Variants in CAAP1 observed in about 807,000 individuals in gnomAD.
The protein encoded by CAAP1 is caspase activity and apoptosis inhibitor 1.
Under a neutral mutation model 34.0 loss-of-function variants are expected in CAAP1, and 20 were observed. The observed-to-expected ratio is 0.59, with a 90% CI of 0.41 to 0.86. CAAP1 has a LOEUF of 0.86. Ranked by LOEUF, CAAP1 falls within the 40% of genes least tolerant of loss-of-function variation. The pLI, the probability that CAAP1 is intolerant of heterozygous loss-of-function variation, is 0.00. For missense variants in CAAP1, 538 were observed against 450.5 expected (o/e 1.19, Z -1.76); for synonymous variants, 213 against 166.7 (o/e 1.28, Z -2.14).
rs139695636 is a variant in CAAP1, at chr9:26,856,218, C to T, written c.739+4848G>A. Among the ~76,000 whole-genome samples the T allele has an allele frequency of 2.5e-3, 383 of 151,976 alleles. 2 individuals are homozygous for T. The highest frequency in any genetic ancestry group is 8.9e-3 in the African/African-American group (369 of 41,428). ...TCTTTAGGGAAAAGATTCTCACATG[C>T]GACAGTTAATGTACAAATATTCAAA... is the stretch of plus-strand genomic sequence containing the variant. On this transcript the variant is annotated intron_variant, in intron 5 of 5. Coordinates refer to ENST00000333916, the MANE Select transcript of CAAP1 (RefSeq NM_024828.4).
At chr9:26,868,046 TTATC>T (rs1823179073) in intron 4 of CAAP1, among the ~76,000 whole-genome samples, 1 of 152,182 alleles carries the variant, frequency 6.6e-6, no homozygotes, top group Non-Finnish European at 1.5e-5. Flanking sequence ...CTATTTGAAT[TTATC>T]TATCTACTAT....
chr9:26,856,713 G>A (rs558181240), intron 5 of CAAP1, among the ~76,000 whole-genome samples: 4 of 152,002 alleles, frequency 2.6e-5, no homozygotes, highest in Non-Finnish European at 5.9e-5. Flanking sequence ...GCTATCTATT[G>A]GTTCTATTTT....
chr9:26,878,873 A>G (rs1823514214), intron 4 of CAAP1, among the ~76,000 whole-genome samples: 1 of 152,196 alleles, frequency 6.6e-6, no homozygotes. Context: ...ATAAGTACCT[A>G]TCCAGCCCAA....
Position 26,887,320 on chromosome 9 carries a change from A to C in CAAP1, c.497T>G (p.Val166Gly). ...EKKLQKMLPD[V>G]LKNCSIEEIK... ...TGATGTGTAATGAAGTACCTTTAAC[A>C]CATCAGGAAGCATCTTCTGTAACTT... The change falls in exon 2 of 6, where the codon GTG (valine) becomes GGG (glycine). Residue 166 changes from valine (V) to glycine (G), a missense_variant. Physicochemically the swap from Val to Gly is moderately radical, Grantham distance 109. This residue lies in a region of CAAP1 where 514 missense variants were observed against 408.4 expected (regional missense o/e 1.26). Transcript: ENST00000333916. 1 of 1,588,920 alleles carries C rather than the reference A, an allele frequency of 6.3e-7. No homozygotes were observed. The highest frequency in any genetic ancestry group is 8.6e-7 in the Non-Finnish European group (1 of 1,165,632).
chr9:26,885,551 C>T (rs965596644), intron 3 of CAAP1, among the ~76,000 whole-genome samples: 1 of 151,728 alleles, frequency 6.6e-6, no homozygotes, highest in African/African-American at 2.4e-5. Flanking sequence ...TTTGTTTCTT[C>T]TTCTGTCATG....
intron 5 of CAAP1, among the ~76,000 whole-genome samples, chr9:26,860,686 G>A (rs1016175262): frequency 6.6e-6 from 1 of 151,774 alleles, no homozygotes; most frequent in Non-Finnish European, 1.5e-5. Flanking sequence ...CAGCTACTTG[G>A]GAGGCTGAGG....
chr9:26,862,899 T>C (rs1823036256), intron 4 of CAAP1, among the ~76,000 whole-genome samples: 1 of 152,146 alleles, frequency 6.6e-6, no homozygotes, highest in Non-Finnish European at 1.5e-5. Context: ...TCATGGTGTA[T>C]ATAACTTAGC....
At chr9:26,888,364 A>G (rs995531688) in intron 1 of CAAP1, among the ~76,000 whole-genome samples, 9 of 152,182 alleles carry the variant, frequency 5.9e-5, no homozygotes, top group African/African-American at 1.7e-4. Context: ...AGCTCATAGA[A>G]GCAGGGCTTT....
At chr9:26,886,241 T>TA (rs1205390030) in intron 2 of CAAP1, 53 bp from the exon 3 acceptor site, 12 of 866,126 alleles carry the variant, frequency 1.4e-5, no homozygotes, top group Admixed American at 3.3e-5. Flanking sequence ...AGCCCCAATG[T>TA]AAACTGGAAA....
chr9:26,886,176 C>G lies in CAAP1; in HGVS notation c.517G>C (p.Glu173Gln), dbSNP rs1316248318. 6.5e-7 allele frequency: 1 copy of G among 1,544,586 alleles called. No individual in the cohort carries two copies. Among genetic ancestry groups the G allele is most frequent in the Admixed American group, 2.0e-5 (1 of 49,826 alleles). The change falls in exon 3 of 6, where the codon GAA becomes CAA. Residue 173 changes from glutamate to glutamine, a missense_variant. By Grantham distance (29) the Glu-to-Gln change is conservative. Transcript: ENST00000333916. ...TCCTGGCATAGTTTTTTAATTTCTT[C>G]TATTGAACAGTTCTAAAGGAAATGA... ...LPDVLKNCSI[E>Q]EIKKLCQEQL...
At chr9:26,873,082 G>A (rs955390295) in intron 4 of CAAP1, among the ~76,000 whole-genome samples, 1 of 152,072 alleles carries the variant, frequency 6.6e-6, no homozygotes, top group African/African-American at 2.4e-5. Flanking sequence ...GCAACACATG[G>A]TCTCTACAAA....
In CAAP1 at chr9:26,873,012, G is replaced by C. The variant is rs146513563; in HGVS notation, c.665+11798C>G. Reference sequence around the variant, plus strand: ...GCAGTGGCTCATGCCTATAATCCTAGCACTTTGGGTGGCTGAGGCAGAAGG... The same window carrying C: ...GCAGTGGCTCATGCCTATAATCCTACCACTTTGGGTGGCTGAGGCAGAAGG... On this transcript the variant is annotated intron_variant, in intron 4 of 5. Transcript: ENST00000333916. Among the ~76,000 whole-genome samples, 232 of 152,276 alleles carry C rather than the reference G, an allele frequency of 1.5e-3. 3 individuals are homozygous for C. Among genetic ancestry groups the C allele is most frequent in the African/African-American group, 5.4e-3 (223 of 41,552 alleles).
intron 4 of CAAP1, among the ~76,000 whole-genome samples, chr9:26,877,293 A>G (rs1430352284): frequency 1.3e-5 from 2 of 150,432 alleles, no homozygotes; most frequent in East Asian, 3.9e-4. Context: ...CCAAAATCTG[A>G]AAAAAAAATC....
chr9:26,854,279 T>A (rs1303858102), intron 5 of CAAP1, among the ~76,000 whole-genome samples: 1 of 152,216 alleles, frequency 6.6e-6, no homozygotes, highest in Non-Finnish European at 1.5e-5. Flanking sequence ...ATATTTACTA[T>A]CCTCATTTTA....
At chr9:26,847,510 G>A (rs1048542015) in intron 5 of CAAP1, among the ~76,000 whole-genome samples, 6 of 151,800 alleles carry the variant, frequency 4.0e-5, no homozygotes, top group Non-Finnish European at 7.4e-5. Flanking sequence ...CACCGTGCCC[G>A]GCCAAAAGCA....
intron 5 of CAAP1, among the ~76,000 whole-genome samples, chr9:26,860,167 G>A (rs746607585): frequency 6.6e-6 from 1 of 152,110 alleles, no homozygotes; most frequent in Non-Finnish European, 1.5e-5. Context: ...AAACAAATGT[G>A]AGCTGGCATT....
intron 4 of CAAP1, chr9:26,880,113 T>C (rs1188053561): frequency 4.9e-6 from 1 of 203,494 alleles, no homozygotes; most frequent in Non-Finnish European, 1.0e-5. Flanking sequence ...GGGGTCTCTT[T>C]TAGAGAATGT....
chr9:26,887,507 T>C lies in CAAP1; in HGVS notation c.310A>G (p.Lys104Glu). The change falls in exon 2 of 6, where the codon AAA becomes GAA. Residue 104 changes from lysine to glutamate, a missense_variant. Transcript: ENST00000333916. The stretch of plus-strand genomic sequence containing the variant: ...TTTTCCAAAGTTGGCAAAATATATT[T>C]AGTTTCCTAAAGTTAAAAGAATAAA... ...SVSGSLQQETKYILPTLEKEL... is the reference protein window; with the variant it reads ...SVSGSLQQETEYILPTLEKEL... The C allele has an allele frequency of 6.3e-7, 1 of 1,589,246 alleles. No homozygotes were observed.
intron 5 of CAAP1, among the ~76,000 whole-genome samples, chr9:26,847,014 C>T (rs1394721065): frequency 1.3e-5 from 2 of 151,496 alleles, no homozygotes; most frequent in African/African-American, 4.9e-5. Flanking sequence ...TACTCCCCTT[C>T]CCAGAAGTAA....
Sources: gnomAD v4.1 joint callset for allele counts (sites outside exome capture counted in the v4.1 genomes callset) on GRCh38, gnomAD v4.1.1 for gene constraint, gnomAD v4.1.1 regional missense constraint, MANE v1.5 for transcripts, NCBI Gene and HGNC (gene_info 2026-07-23, HGNC 2026-07-21) for gene names.